Variants in IGF1R observed in about 807,000 individuals in gnomAD.
The protein encoded by IGF1R is insulin like growth factor 1 receptor, also known as insulin-like growth factor 1 receptor.
In IGF1R, 44 loss-of-function variants were observed where a neutral mutation model predicts 144.6. The ratio of observed to expected loss-of-function variants is 0.30; its 90% CI spans 0.24 to 0.39. The LOEUF (loss-of-function observed/expected upper bound fraction) is 0.39. IGF1R is among the 10% of genes least tolerant of loss of function. IGF1R has a pLI of 1.00. For missense variants in IGF1R, 1,355 were observed against 1,833.7 expected (o/e 0.74, Z 4.77); for synonymous variants, 795 against 722.8 (o/e 1.10, Z -1.60).
At chr15:98,719,647 G>A (rs1473827783) in intron 2 of IGF1R, among the ~76,000 whole-genome samples, 2 of 152,168 alleles carry the variant, frequency 1.3e-5, no homozygotes, top group African/African-American at 4.8e-5. Context: ...TTGGCTTCGA[G>A]GTGTACTGGT....
intron 2 of IGF1R, among the ~76,000 whole-genome samples, chr15:98,835,269 A>G (rs529811393): frequency 1.8e-4 from 28 of 152,270 alleles, no homozygotes; most frequent in Middle Eastern, 3.4e-3. Flanking sequence ...CAACTGTAGC[A>G]TACAACTAGC....
intron 2 of IGF1R, among the ~76,000 whole-genome samples, chr15:98,763,378 G>A (rs1204697712): frequency 6.6e-6 from 1 of 152,070 alleles, no homozygotes; most frequent in East Asian, 1.9e-4. Flanking sequence ...GGTTGCAAAT[G>A]ACCTGGAGGG....
chr15:98,802,540 G>A (rs1324151453), intron 2 of IGF1R, among the ~76,000 whole-genome samples: 3 of 152,214 alleles, frequency 2.0e-5, no homozygotes, highest in Non-Finnish European at 4.4e-5. Context: ...CAGCAATTTT[G>A]TGGAACAAAG....
chr15:98,848,935 T>C (rs1442496541), intron 2 of IGF1R, among the ~76,000 whole-genome samples: 3 of 152,164 alleles, frequency 2.0e-5, no homozygotes, highest in Non-Finnish European at 4.4e-5. Context: ...CTGGAATAAA[T>C]GGAAAGACAT....
intron 13 of IGF1R, among the ~76,000 whole-genome samples, chr15:98,928,142 G>A (rs1287607965): frequency 6.6e-6 from 1 of 152,048 alleles, no homozygotes; most frequent in African/African-American, 2.4e-5. Context: ...CCAGCCCTCT[G>A]TCACCACCAG....
intron 19 of IGF1R, among the ~76,000 whole-genome samples, chr15:98,946,036 T>G (rs10438491): frequency 2.0e-5 from 3 of 151,430 alleles, no homozygotes; most frequent in Non-Finnish European, 2.9e-5. Flanking sequence ...ATGACGACGA[T>G]GACAGCGTCG....
chr15:98,822,857 G>A (rs2056827037), intron 2 of IGF1R, among the ~76,000 whole-genome samples: 1 of 152,256 alleles, frequency 6.6e-6, no homozygotes, highest in Admixed American at 6.5e-5. Flanking sequence ...TTTGGAGAAA[G>A]AGAGGGTAGT....
Position 98,924,620 on chromosome 15 carries a change from G to A in IGF1R, c.2718G>A (p.Gln906=). ...CGGGGAACTACACAGCCCGGATTCA[G>A]GCCACATCTCTCTCTGGGAATGGGT... ...LNPGNYTARI[Q]ATSLSGNGSW... Residue 906 remains glutamine, a synonymous_variant, in exon 13 of 21, where the codon CAG becomes CAA. Transcript: ENST00000650285. The A allele has an allele frequency of 6.2e-7, 1 of 1,614,180 alleles. No homozygotes were observed. The highest frequency in any genetic ancestry group is 8.5e-7 in the Non-Finnish European group (1 of 1,179,996).
chr15:98,865,599 A>C (rs1395268639), intron 2 of IGF1R, among the ~76,000 whole-genome samples: 2 of 152,210 alleles, frequency 1.3e-5, no homozygotes, highest in Non-Finnish European at 2.9e-5. Flanking sequence ...TGGTTTGGGA[A>C]GATATGAACT....
chr15:98,665,783 G>C (rs1379738042), intron 1 of IGF1R, among the ~76,000 whole-genome samples: 2 of 152,246 alleles, frequency 1.3e-5, no homozygotes, highest in Admixed American at 6.5e-5. Flanking sequence ...TGGGAAGCCA[G>C]CTGCAGTGTG....
intron 1 of IGF1R, among the ~76,000 whole-genome samples, chr15:98,686,874 T>A (rs1396997068): frequency 5.3e-5 from 8 of 152,118 alleles, no homozygotes; most frequent in Non-Finnish European, 1.2e-4. Flanking sequence ...CTTGGTACAT[T>A]TTCTAGGCTG....
At chr15:98,809,882 C>CCACTCCCCG (rs2056548458) in intron 2 of IGF1R, among the ~76,000 whole-genome samples, 1 of 152,020 alleles carries the variant, frequency 6.6e-6, no homozygotes, top group African/African-American at 2.4e-5. Flanking sequence ...GAATGAAAGC[C>CCACTCCCCG]CACTCCCCGC....
At chr15:98,697,686 T>C (rs1028415884) in intron 1 of IGF1R, among the ~76,000 whole-genome samples, 52 of 90,566 alleles carry the variant, frequency 5.7e-4, no homozygotes, top group African/African-American at 3.1e-3. Context: ...GCGGCAGAAC[T>C]TTCCCTCTAT....
intron 2 of IGF1R, among the ~76,000 whole-genome samples, chr15:98,828,684 C>CA (rs1596337625): frequency 6.6e-6 from 1 of 151,598 alleles, no homozygotes; most frequent in Admixed American, 6.6e-5. Flanking sequence ...TGTGAAGACA[C>CA]ACAGACATGA....
rs562834472 is a variant in IGF1R, at chr15:98,748,941, C to G, written c.640+40834C>G. ...CTACATTTAGACTCCACTGGACACTCACATATTGCACGTGGAATATCTTAA... is the reference window on the plus strand; with the variant it reads ...CTACATTTAGACTCCACTGGACACTGACATATTGCACGTGGAATATCTTAA... On this transcript the variant is annotated intron_variant, in intron 2 of 20. Transcript: ENST00000650285. Among the ~76,000 whole-genome samples the G allele has an allele frequency of 2.3e-4, 35 of 152,270 alleles. 1 individual carries two copies. Among genetic ancestry groups the G allele is most frequent in the African/African-American group, 8.4e-4 (35 of 41,554 alleles).
At chr15:98,906,864 T>C (rs1218071299) in intron 5 of IGF1R, among the ~76,000 whole-genome samples, 3 of 152,208 alleles carry the variant, frequency 2.0e-5, no homozygotes, top group Non-Finnish European at 4.4e-5. Flanking sequence ...GCTCTGTCTT[T>C]CGACTCACTT....
intron 6 of IGF1R, among the ~76,000 whole-genome samples, chr15:98,910,743 T>TGTTTGTCAGCCCTAGCTGGAGGCCTCACA (rs2014974544): frequency 1.2e-4 from 19 of 152,242 alleles, no homozygotes; most frequent in Admixed American, 1.0e-3. Context: ...AGCCTCCCGT[T>TGTTTGTCAGCCCTAGCTGGAGGCCTCACA]GTTTGTCAGC....
In IGF1R at chr15:98,963,156, AAAT is replaced by A. The variant is rs780386568; in HGVS notation, c.*5718_*5720del. On this transcript the variant is annotated 3_prime_UTR_variant, in exon 21 of 21. Coordinates refer to ENST00000650285, the MANE Select transcript of IGF1R (RefSeq NM_000875.5). ...AATGTTTGTAGTTTATAATTGCCGA[AAAT>A]AATTTAAAGACACTTTTTTTTTCTC... The A allele has an allele frequency of 1.7e-5, 4 of 233,228 alleles. No individual in the cohort carries two copies. The highest frequency in any genetic ancestry group is 1.8e-4 in the South Asian group (1 of 5,530). 14.4% of individuals were successfully genotyped at this position (233,228 alleles called of 1,614,324 possible).
At chr15:98,772,193 A>C (rs1457397023) in intron 2 of IGF1R, among the ~76,000 whole-genome samples, 1 of 152,166 alleles carries the variant, frequency 6.6e-6, no homozygotes, top group East Asian at 1.9e-4. Flanking sequence ...AAAACATGAA[A>C]CAGGTGTTTA....
Sources: allele counts gnomAD v4.1 joint callset (sites outside exome capture counted in the v4.1 genomes callset), GRCh38; gene constraint gnomAD v4.1.1; transcripts MANE v1.5; gene names NCBI Gene and HGNC (gene_info 2026-07-23, HGNC 2026-07-21).